The following COL6A2 variants were observed in gnomAD, a reference collection of about 807,000 sequenced individuals.
COL6A2 encodes the protein collagen type VI alpha 2 chain.
COL6A2 carries 90 observed loss-of-function variants against 124.9 expected under a neutral mutation model. The observed-to-expected ratio is 0.72, with a 90% CI of 0.61 to 0.86. The LOEUF (loss-of-function observed/expected upper bound fraction) is 0.86. Among genes scored for constraint, COL6A2 ranks in the 40% least tolerant of loss-of-function variants. The pLI is 0.00. For missense variants in COL6A2, 1,607 were observed against 1,502.5 expected, an observed-to-expected ratio of 1.07 and a Z score of -1.15; for synonymous variants, 793 against 618.2, an observed-to-expected ratio of 1.28 and a Z score of -4.19.
Position 46,132,352 on chromosome 21 carries a change from A to C in COL6A2, c.2860A>C (p.Asn954His). ...GTTCCTCACGGACGGCGTCACGGGCAACGACAGTCTGCACGAGTCGGCGCA... is the reference window on the plus strand; with the variant it reads ...GTTCCTCACGGACGGCGTCACGGGCCACGACAGTCTGCACGAGTCGGCGCA... ...FVFLTDGVTG[N>H]DSLHESAHSM... The change falls in exon 28 of 28, where the codon AAC (asparagine) becomes CAC (histidine). Residue 954 changes from asparagine to histidine, a missense_variant. This residue lies in a region of COL6A2 where 1,223 missense variants were observed against 1,052.2 expected (regional missense o/e 1.16). Transcript: ENST00000300527. The C allele has an allele frequency of 2.5e-6, 4 of 1,608,672 alleles. No individual in the cohort carries two copies. The highest frequency in any genetic ancestry group is 3.4e-6 in the Non-Finnish European group (4 of 1,179,576).
rs2078481601 is a variant in COL6A2 at position 46,116,928 on chromosome 21, C to CACACACACACACATGTGTACACACGCAT, written c.999+127_999+128insTGTGTACACACGCATACACACACACACA. 2.3e-6 allele frequency: 1 copy of CACACACACACACATGTGTACACACGCAT among 440,252 alleles called. No individual in the cohort carries two copies. The highest frequency in any genetic ancestry group is 7.2e-5 in the East Asian group (1 of 13,838). The allele number at this position is 440,252 out of a possible 1,614,324, so 27.3% of individuals were successfully genotyped here. A position where few individuals can be genotyped will look rare whatever the true frequency, so the allele number is the denominator to read the frequency against. On this transcript the variant is annotated intron_variant, in intron 10 of 27. Coordinates refer to ENST00000300527, the MANE Select transcript of COL6A2 (RefSeq NM_001849.4). The surrounding 1 kb of genome is among the most constrained non-coding windows in gnomAD (Gnocchi z 4.6). ...GCTTACACATGTGTACACACGCATA[C>CACACACACACACATGTGTACACACGCAT]ACACACACACACACACACACACACA...
At chr21:46,114,138 C>A in intron 5 of COL6A2, 65 bp downstream of exon 5, 1 of 1,427,712 alleles carries the variant, frequency 7.0e-7, no homozygotes, top group Non-Finnish European at 9.9e-7. Context: ...TTTTGAAATC[C>A]ACACTTGGCC....
intron 27 of COL6A2, chr21:46,129,431 C>A (rs200220635): frequency 6.2e-7 from 1 of 1,608,876 alleles, no homozygotes; most frequent in East Asian, 2.2e-5. Flanking sequence ...TCATTGACAC[C>A]TTTAAGCTGG....
Position 46,117,895 on chromosome 21 carries a change from G to A in COL6A2, c.1075G>A (p.Glu359Lys), listed in dbSNP as rs1473389233. Residue 359 changes from glutamate (E) to lysine (K), a missense_variant, in exon 12 of 28, where the codon GAA becomes AAA. Transcript: ENST00000300527. ...GNRGPDGYPG[E>K]AGSPGERGDQ... ...TCAGGGCCCCGACGGTTACCCGGGG[G>A]AAGCAGGGAGTCCAGGGGAGCGAGG... 4 of 1,612,668 alleles carry A rather than the reference G, an allele frequency of 2.5e-6. No homozygotes were observed. The highest frequency in any genetic ancestry group is 3.4e-6 in the Non-Finnish European group (4 of 1,179,840).
In COL6A2 at chr21:46,132,099, C is replaced by T. The variant is rs150219725; in HGVS notation, c.2607C>T (p.Asp869=). The T allele has an allele frequency of 1.4e-3, 2,181 of 1,594,292 alleles. 2 individuals carry two copies. The highest frequency in any genetic ancestry group is 1.7e-3 in the Non-Finnish European group (1,948 of 1,173,250). ...VARRLTLARR[D]DDPLNARVAL... ...GGCGGCTGACGCTGGCCCGGAGGGA[C>T]GACGACCCTCTCAACGCACGCGTGG... The change falls in exon 28 of 28, where the codon GAC becomes GAT. Residue 869 remains aspartate (D), a synonymous_variant. Coordinates refer to ENST00000300527, the MANE Select transcript of COL6A2 (RefSeq NM_001849.4).
intron 4 of COL6A2, chr21:46,113,033 T>A (rs537632690): frequency 3.1e-6 from 2 of 650,092 alleles, no homozygotes; most frequent in Admixed American, 5.1e-5. Context: ...GGGTCAGCGT[T>A]AGGGTCACCC....
At chr21:46,111,863 G>T (rs575106113) in intron 2 of COL6A2, 116 bp from the exon 3 acceptor site, 2 of 1,143,488 alleles carry the variant, frequency 1.7e-6, no homozygotes, top group East Asian at 2.4e-5. Context: ...GGGGCCGGGG[G>T]CTCTGGCATT....
At chr21:46,110,416 T>A (rs2078382811) in intron 1 of COL6A2, among the ~76,000 whole-genome samples, 2 of 152,230 alleles carry the variant, frequency 1.3e-5, no homozygotes, top group Admixed American at 6.5e-5. Context: ...TCTTTTTATG[T>A]TCTAAAACAA....
In COL6A2 at chr21:46,125,765, C is replaced by G. The variant is rs568102534; in HGVS notation, c.1970-20C>G. On this transcript the variant is annotated intron_variant, in intron 25 of 27. Coordinates refer to ENST00000300527, the MANE Select transcript of COL6A2 (RefSeq NM_001849.4). ...AGACCCCGAGGCCTCTGGCAACGAC[C>G]TCACGCGTGCGGCTTGCAGGGACGC... 1 of 1,609,746 alleles carries G rather than the reference C, an allele frequency of 6.2e-7. No homozygotes were observed. Among genetic ancestry groups the G allele is most frequent in the East Asian group, 2.2e-5 (1 of 44,784 alleles).
chr21:46,111,362 C>A, intron 1 of COL6A2, 88 bp from the exon 2 acceptor site: 1 of 721,182 alleles, frequency 1.4e-6, no homozygotes, highest in Non-Finnish European at 2.4e-6. Context: ...CCCAATCCCG[C>A]TGACCTGCTG....
In COL6A2 at chr21:46,131,942, GTC is replaced by G; in HGVS notation, c.2462-9_2462-8del. 6.3e-7 allele frequency: 1 copy of G among 1,587,838 alleles called. No homozygotes were observed. Among genetic ancestry groups the G allele is most frequent in the Non-Finnish European group, 8.5e-7 (1 of 1,170,178 alleles). On this transcript the variant is annotated splice_polypyrimidine_tract_variant and intron_variant, in intron 27 of 27. Transcript: ENST00000300527. ...TCCCCTCCGCCCAGCCCGCACCTGC[GTC>G]TCCCCACAGAGCTGTCCGTGGCACA...
intron 1 of COL6A2, among the ~76,000 whole-genome samples, chr21:46,110,519 C>T (rs753596595): frequency 7.9e-5 from 12 of 152,188 alleles, no homozygotes; most frequent in Non-Finnish European, 1.3e-4. Context: ...TCATTCCTCC[C>T]TGGGCCCCAG....
In COL6A2 at chr21:46,116,153, C is replaced by A. The variant is rs2078467216; in HGVS notation, c.900+100C>A. The A allele has an allele frequency of 2.3e-6, 3 of 1,283,240 alleles. No homozygotes were observed. The highest frequency in any genetic ancestry group is 3.3e-6 in the Non-Finnish European group (3 of 904,602). 79.5% of individuals were successfully genotyped at this position (1,283,240 alleles called of 1,614,324 possible). A position where few individuals can be genotyped will look rare whatever the true frequency, so the allele number is the denominator to read the frequency against. Reference sequence around the variant, plus strand: ...CCTCGGCCTCAGCCTCTACGACCCTCCCCCCAGTTACCAAGGAACAGAAGC... The same window carrying A: ...CCTCGGCCTCAGCCTCTACGACCCTACCCCCAGTTACCAAGGAACAGAAGC... On this transcript the variant is annotated intron_variant, in intron 7 of 27. Coordinates refer to ENST00000300527, the MANE Select transcript of COL6A2 (RefSeq NM_001849.4). This position sits in a 1 kb window ranked among gnomAD's most constrained non-coding sequence, Gnocchi z 4.6.
Position 46,098,179 on chromosome 21 carries a change from C to A in COL6A2, c.-28+6C>A, listed in dbSNP as rs933928498. The A allele has an allele frequency of 6.6e-6, 1 of 152,080 alleles. No homozygotes were observed. The highest frequency in any genetic ancestry group is 1.5e-5 in the Non-Finnish European group (1 of 68,044). The allele number at this position is 152,080 out of a possible 1,614,324, so 9.4% of individuals were successfully genotyped here. On this transcript the variant is annotated splice_donor_region_variant and intron_variant, in intron 1 of 27. Coordinates refer to ENST00000300527, the MANE Select transcript of COL6A2 (RefSeq NM_001849.4). ...CGGAGCCTCCTCGGGACCAGGTGAGCGCCTCCCGGACCCCGCACCCTGGAA... is the reference window on the plus strand; with the variant it reads ...CGGAGCCTCCTCGGGACCAGGTGAGAGCCTCCCGGACCCCGCACCCTGGAA...
chr21:46,127,581 C>A (rs1220475637), intron 27 of COL6A2, among the ~76,000 whole-genome samples: 1 of 152,182 alleles, frequency 6.6e-6, no homozygotes, highest in East Asian at 1.9e-4. Context: ...GGGTCCACAT[C>A]AGCAGCAGGG....
intron 12 of COL6A2, 127 bp downstream of exon 12, chr21:46,118,063 A>G (rs1312494190): frequency 4.5e-6 from 4 of 890,034 alleles, no homozygotes; most frequent in South Asian, 1.7e-5. Flanking sequence ...TGAGGAGCCA[A>G]TGGCCGTGGG....
In COL6A2 at chr21:46,126,035, T is replaced by C. The variant is rs61735830; in HGVS notation, c.2220T>C (p.Asp740=). 3.1e-3 allele frequency: 4,975 copies of C among 1,612,996 alleles called. 10 individuals carry two copies. The highest frequency in any genetic ancestry group is 3.6e-3 in the Non-Finnish European group (4,244 of 1,179,912). ...ITDGRHDPRD[D]DLNLRALCDR... is the part of the protein sequence containing the mutation. The stretch of plus-strand genomic sequence containing the variant: ...ACGGGCGCCACGACCCTCGGGACGA[T>C]GACCTCAACTTGCGGGCGCTGTGCG... The change falls in exon 26 of 28, where the codon GAT becomes GAC. Residue 740 remains aspartate, a synonymous_variant. Coordinates refer to ENST00000300527, the MANE Select transcript of COL6A2 (RefSeq NM_001849.4).
intron 27 of COL6A2, among the ~76,000 whole-genome samples, chr21:46,128,460 G>A (rs2078707820): frequency 1.3e-5 from 2 of 152,244 alleles, no homozygotes; most frequent in Admixed American, 6.5e-5. Flanking sequence ...GGCCCTCCTG[G>A]GCACTGGGTG....
chr21:46,100,810 C>T (rs1035170813), intron 1 of COL6A2, among the ~76,000 whole-genome samples: 21 of 152,216 alleles, frequency 1.4e-4, no homozygotes, highest in African/African-American at 4.1e-4. Flanking sequence ...TGTTGCTGGA[C>T]ACTTGTGTTG....
Sources: allele counts gnomAD v4.1 joint callset (sites outside exome capture counted in the v4.1 genomes callset), GRCh38; gene constraint gnomAD v4.1.1; regional missense constraint gnomAD v4.1.1; non-coding constraint Gnocchi (gnomAD v3.1); transcripts MANE v1.5; gene names NCBI Gene and HGNC (gene_info 2026-07-23, HGNC 2026-07-21).